The following CACNA1C variants were observed in gnomAD, a reference collection of about 807,000 sequenced individuals.
The protein encoded by CACNA1C is voltage-dependent L-type calcium channel subunit alpha-1C.
In CACNA1C, 30 loss-of-function variants were observed where a neutral mutation model predicts 229.0. The ratio of observed to expected loss-of-function variants is 0.13; its 90% CI spans 0.10 to 0.18. CACNA1C has a LOEUF of 0.18. CACNA1C is among the 10% of genes least tolerant of loss of function. The pLI, the probability that CACNA1C is intolerant of heterozygous loss-of-function variation, is 1.00. For missense variants in CACNA1C, 1,658 were observed against 2,845.0 expected, an observed-to-expected ratio of 0.58 and a Z score of 9.49; for synonymous variants, 1,114 against 1,132.5, an observed-to-expected ratio of 0.98 and a Z score of 0.33.
chr12:2,397,211 G>A (rs545101821), intron 3 of CACNA1C, among the ~76,000 whole-genome samples: 114 of 152,342 alleles, frequency 7.5e-4, no homozygotes, highest in Admixed American at 2.6e-3. Context: ...CTTAAACTCT[G>A]GGGACTGTGG....
At chr12:1,993,456 T>G (rs1565858026) in intron 1 of CACNA1C, 2 of 1,562,710 alleles carry the variant, frequency 1.3e-6, no homozygotes. Context: ...ATATTTTCAG[T>G]ATAAGTACAT....
chr12:1,971,428 CAGGCAATGCAATACT>C lies in CACNA1C; in HGVS notation c.139+228_139+242del, dbSNP rs1467177392. ...TGAAAAAAAGTGATGTTTGAGGCAA[CAGGCAATGCAATACT>C]GCCTTTACATAATGAAACACCAATC... On this transcript the variant is annotated intron_variant, in intron 1 of 46. Transcript: ENST00000682462. This position sits in a 1 kb window ranked among gnomAD's most constrained non-coding sequence, Gnocchi z 4.2. Among the ~76,000 whole-genome samples the C allele has an allele frequency of 6.6e-6, 1 of 152,166 alleles. No homozygotes were observed. The highest frequency in any genetic ancestry group is 1.5e-5 in the Non-Finnish European group (1 of 68,026).
intron 1 of CACNA1C, among the ~76,000 whole-genome samples, chr12:2,063,117 T>C (rs2058094505): frequency 6.6e-6 from 1 of 151,988 alleles, no homozygotes; most frequent in Non-Finnish European, 1.5e-5. Context: ...TTTGTCTCTA[T>C]GGATTTTCAT....
chr12:2,073,211 A>G (rs991480449), intron 1 of CACNA1C, among the ~76,000 whole-genome samples: 1 of 152,248 alleles, frequency 6.6e-6, no homozygotes, highest in Admixed American at 6.5e-5. Context: ...AACGTGGTCC[A>G]ACAGATCAGC....
chr12:2,618,739 C>T (rs1024913415), intron 29 of CACNA1C, among the ~76,000 whole-genome samples: 3 of 152,206 alleles, frequency 2.0e-5, no homozygotes, highest in Admixed American at 6.5e-5. Context: ...TTCTTAAAAG[C>T]TCAGTCAAGG....
intron 1 of CACNA1C, among the ~76,000 whole-genome samples, chr12:2,089,738 T>G (rs2069447180): frequency 6.6e-6 from 1 of 152,322 alleles, no homozygotes; most frequent in Middle Eastern, 3.4e-3. Flanking sequence ...TTTTTCATCT[T>G]GAAAAATTGT....
chr12:2,129,449 A>G (rs1432504766), intron 3 of CACNA1C, among the ~76,000 whole-genome samples: 4 of 152,218 alleles, frequency 2.6e-5, no homozygotes, highest in African/African-American at 4.8e-5. Context: ...AAGTCTAAAT[A>G]TGGTGACACC....
chr12:2,556,757 C>T (rs534735131), intron 10 of CACNA1C, among the ~76,000 whole-genome samples, 194 bp from the exon 11 acceptor site: 1 of 152,344 alleles, frequency 6.6e-6, no homozygotes, highest in East Asian at 1.9e-4. Flanking sequence ...CTAGCCAGGC[C>T]AGACCTCAGT....
chr12:2,581,865 G>C, intron 14 of CACNA1C, 68 bp downstream of exon 14: 1 of 980,764 alleles, frequency 1.0e-6, no homozygotes, highest in Non-Finnish European at 1.6e-6. Flanking sequence ...GGAGGAGTGT[G>C]GGAAGCTGCA....
intron 3 of CACNA1C, among the ~76,000 whole-genome samples, chr12:2,194,122 C>T (rs2097326130): frequency 6.6e-6 from 1 of 152,030 alleles, no homozygotes; most frequent in African/African-American, 2.4e-5. Flanking sequence ...CCTCCTGCTC[C>T]TCCTCTGGCT....
chr12:2,635,989 C>A (rs563724373), intron 30 of CACNA1C, among the ~76,000 whole-genome samples: 1 of 152,234 alleles, frequency 6.6e-6, no homozygotes, highest in Non-Finnish European at 1.5e-5. Context: ...TCTGAATGGA[C>A]CCCAGTTTTG....
At chr12:2,567,297 A>G (rs1034991803) in intron 12 of CACNA1C, among the ~76,000 whole-genome samples, 2 of 152,166 alleles carry the variant, frequency 1.3e-5, no homozygotes, top group African/African-American at 4.8e-5. Context: ...CGATGGTGGT[A>G]CCATCCCCAC....
intron 3 of CACNA1C, among the ~76,000 whole-genome samples, chr12:2,187,020 CT>C (rs2097050213): frequency 6.6e-6 from 1 of 152,218 alleles, no homozygotes; most frequent in Non-Finnish European, 1.5e-5. Context: ...GCCCCCTTGC[CT>C]GTCCTGCTGC....
intron 9 of CACNA1C, among the ~76,000 whole-genome samples, chr12:2,536,214 C>T (rs2099854787): frequency 6.6e-6 from 1 of 152,150 alleles, no homozygotes; most frequent in South Asian, 2.1e-4. Flanking sequence ...AGACGGGGCC[C>T]CAGAGAAGAG....
intron 9 of CACNA1C, among the ~76,000 whole-genome samples, chr12:2,521,469 G>A (rs1003898860): frequency 1.3e-5 from 2 of 152,180 alleles, no homozygotes; most frequent in Non-Finnish European, 2.9e-5. Context: ...GGGGTCCTTG[G>A]CAGGGTGTGG....
At chr12:2,109,444 A>C (rs1206019093) in intron 1 of CACNA1C, among the ~76,000 whole-genome samples, 1 of 152,224 alleles carries the variant, frequency 6.6e-6, no homozygotes, top group East Asian at 1.9e-4. Flanking sequence ...AAGTACATGC[A>C]AAGGCACTGC....
At chr12:2,469,756 C>G (rs570454287) in intron 5 of CACNA1C, among the ~76,000 whole-genome samples, 1 of 152,156 alleles carries the variant, frequency 6.6e-6, no homozygotes, top group Non-Finnish European at 1.5e-5. Context: ...CTAATAAATA[C>G]TTGTGCAAAA....
intron 1 of CACNA1C, among the ~76,000 whole-genome samples, chr12:2,024,713 C>G (rs1298417720): frequency 6.6e-6 from 1 of 152,204 alleles, no homozygotes; most frequent in African/African-American, 2.4e-5. Context: ...TGGCCTGTGT[C>G]TTGGGATTTG....
chr12:2,684,291 G>A (rs1235535302), intron 43 of CACNA1C, among the ~76,000 whole-genome samples: 4 of 152,126 alleles, frequency 2.6e-5, no homozygotes, highest in Non-Finnish European at 4.4e-5. Flanking sequence ...CTGTGCCTTC[G>A]TGTCCCCATC....
Sources: gnomAD v4.1 joint callset for allele counts (sites outside exome capture counted in the v4.1 genomes callset) on GRCh38, gnomAD v4.1.1 for gene constraint, Gnocchi (gnomAD v3.1) non-coding constraint, MANE v1.5 for transcripts, NCBI Gene and HGNC (gene_info 2026-07-23, HGNC 2026-07-21) for gene names.